GPC5: variants seen among roughly 807,000 people sequenced by gnomAD.
GPC5 encodes the protein glypican-5.
A neutral mutation model predicts 53.9 loss-of-function variants in GPC5; 47 were observed. The ratio of observed to expected loss-of-function variants is 0.87; its 90% confidence interval spans 0.69 to 1.11. The LOEUF is 1.11. Among genes scored for constraint, GPC5 ranks in the 50% most tolerant of loss-of-function variants. The pLI is 0.00. For missense variants in GPC5, 748 were observed against 713.1 expected, an observed-to-expected ratio of 1.05 and a Z score of -0.56; for synonymous variants, 286 against 263.3, an observed-to-expected ratio of 1.09 and a Z score of -0.84.
intron 7 of GPC5, among the ~76,000 whole-genome samples, chr13:92,161,544 A>G (rs1257457055): frequency 1.3e-5 from 2 of 152,186 alleles, no homozygotes; most frequent in African/African-American, 4.8e-5. Context: ...TATTCAAAAG[A>G]TCAAAACTGA....
intron 7 of GPC5, among the ~76,000 whole-genome samples, chr13:92,280,216 C>T (rs1385269124): frequency 7.2e-5 from 11 of 151,934 alleles, no homozygotes; most frequent in South Asian, 2.1e-4. Context: ...CTATAATATT[C>T]GTAGTTCTAT....
chr13:92,581,967 A>G (rs980696152), intron 7 of GPC5, among the ~76,000 whole-genome samples: 1 of 152,106 alleles, frequency 6.6e-6, no homozygotes, highest in African/African-American at 2.4e-5. Flanking sequence ...TACCAGATGC[A>G]TGGTTTCCAA....
chr13:92,609,159 A>G (rs1209553300), intron 7 of GPC5, among the ~76,000 whole-genome samples: 1 of 152,184 alleles, frequency 6.6e-6, no homozygotes, highest in Non-Finnish European at 1.5e-5. Context: ...GAATATTGGT[A>G]TCTTCCAGCA....
intron 7 of GPC5, among the ~76,000 whole-genome samples, chr13:92,500,719 T>C (rs376656044): frequency 3.9e-5 from 6 of 152,194 alleles, no homozygotes; most frequent in African/African-American, 1.4e-4. Context: ...TCATCCTCCT[T>C]GATTTAAGTA....
chr13:92,240,433 T>C (rs1337822064), intron 7 of GPC5: 3 of 152,176 alleles, frequency 2.0e-5, no homozygotes, highest in Non-Finnish European at 4.4e-5. Context: ...GTATCTCTAC[T>C]CATCACAGTT....
rs1555321638 is a variant in GPC5, at chr13:91,542,019, T to TTAATATTA, written c.325+93097_325+93098insTAATATTA. 2.0e-3 allele frequency among the ~76,000 whole-genome samples: 300 copies of TTAATATTA among 147,036 alleles called. 2 individuals carry two copies. Among genetic ancestry groups the TTAATATTA allele is most frequent in the African/African-American group, 6.9e-3 (277 of 40,364 alleles). ...GATTTTTTCCCATTTGAGCTCTTAA[T>TTAATATTA]ATTAATTAATATTAATAATGTATTA... On this transcript the variant is annotated intron_variant, in intron 2 of 7. Coordinates refer to ENST00000377067, the MANE Select transcript of GPC5 (RefSeq NM_004466.6).
chr13:92,265,772 T>C (rs1403866000), intron 7 of GPC5, among the ~76,000 whole-genome samples: 1 of 152,132 alleles, frequency 6.6e-6, no homozygotes, highest in Admixed American at 6.5e-5. Flanking sequence ...CAGTACCAAT[T>C]TGTCTTAGTC....
At chr13:92,460,544 T>C (rs1373070619) in intron 7 of GPC5, among the ~76,000 whole-genome samples, 2 of 152,176 alleles carry the variant, frequency 1.3e-5, no homozygotes, top group South Asian at 2.1e-4. Flanking sequence ...CTAGTGGATA[T>C]TGAAGAAATT....
At chr13:92,708,698 A>G (rs1205574030) in intron 7 of GPC5, among the ~76,000 whole-genome samples, 1 of 151,194 alleles carries the variant, frequency 6.6e-6, no homozygotes, top group East Asian at 1.9e-4. Flanking sequence ...AGATGTTATT[A>G]GAGACAATAC....
chr13:92,324,215 CAT>C (rs1313190433), intron 7 of GPC5, among the ~76,000 whole-genome samples: 2 of 151,786 alleles, frequency 1.3e-5, no homozygotes, highest in African/African-American at 4.8e-5. Flanking sequence ...GATATAGTAA[CAT>C]AAAATTAAAA....
chr13:92,546,827 C>T (rs900027526), intron 7 of GPC5, among the ~76,000 whole-genome samples: 3 of 152,062 alleles, frequency 2.0e-5, no homozygotes, highest in Non-Finnish European at 4.4e-5. Flanking sequence ...GAGATATAGA[C>T]CAATGGAACA....
chr13:91,644,859 T>C (rs1302773325), intron 2 of GPC5, among the ~76,000 whole-genome samples: 1 of 152,226 alleles, frequency 6.6e-6, no homozygotes, highest in African/African-American at 2.4e-5. Context: ...GAATGAGTTT[T>C]GGCAAAAATT....
intron 5 of GPC5, among the ~76,000 whole-genome samples, chr13:91,791,993 A>G (rs1341301360): frequency 4.6e-5 from 7 of 152,228 alleles, no homozygotes; most frequent in Admixed American, 4.6e-4. Context: ...CATATTGATA[A>G]CTATCACTTT....
intron 7 of GPC5, among the ~76,000 whole-genome samples, chr13:92,449,327 C>A (rs1240077206): frequency 2.6e-5 from 4 of 152,124 alleles, no homozygotes; most frequent in African/African-American, 9.7e-5. Flanking sequence ...CACTTTGACT[C>A]TAATCCTTGT....
intron 7 of GPC5, among the ~76,000 whole-genome samples, chr13:92,421,466 G>C (rs937508508): frequency 6.6e-6 from 1 of 152,074 alleles, no homozygotes; most frequent in African/African-American, 2.4e-5. Flanking sequence ...TTGGGAGGCC[G>C]AGGCGGGTGG....
intron 2 of GPC5, among the ~76,000 whole-genome samples, chr13:91,638,737 A>C (rs899474398): frequency 6.6e-6 from 1 of 152,208 alleles, no homozygotes; most frequent in Non-Finnish European, 1.5e-5. Flanking sequence ...TGGATTCAAA[A>C]AATTTTTTAA....
intron 7 of GPC5, among the ~76,000 whole-genome samples, chr13:92,552,400 C>T (rs1305960939): frequency 1.3e-5 from 2 of 151,800 alleles, no homozygotes; most frequent in African/African-American, 4.8e-5. Flanking sequence ...TATTTTCTCA[C>T]TTAGTAAAAT....
At chr13:92,154,377 G>A (rs938814139) in intron 7 of GPC5, among the ~76,000 whole-genome samples, 13 of 151,924 alleles carry the variant, frequency 8.6e-5, no homozygotes, top group Non-Finnish European at 1.6e-4. Flanking sequence ...TTTTTCTTTG[G>A]CAGATACTAT....
At chr13:91,484,350 A>C (rs1162074463) in intron 2 of GPC5, among the ~76,000 whole-genome samples, 1 of 152,236 alleles carries the variant, frequency 6.6e-6, no homozygotes, top group African/African-American at 2.4e-5. Flanking sequence ...TGCATTGATT[A>C]CTGAAGGTAA....
Sources: allele counts gnomAD v4.1 joint callset (sites outside exome capture counted in the v4.1 genomes callset), GRCh38; gene constraint gnomAD v4.1.1; transcripts MANE v1.5; gene names NCBI Gene and HGNC (gene_info 2026-07-23, HGNC 2026-07-21).